DNER: variants seen among roughly 807,000 people sequenced by gnomAD.
The protein encoded by DNER is delta and Notch-like epidermal growth factor-related receptor.
Under a neutral mutation model 78.2 loss-of-function variants are expected in DNER, and 33 were observed. That is an observed-to-expected ratio of 0.42 (90% CI 0.32 to 0.56). DNER has a LOEUF of 0.56. DNER is among the 20% of genes least tolerant of loss of function. The pLI is 0.11. For missense variants in DNER, 918 were observed against 975.3 expected, an observed-to-expected ratio of 0.94 and a Z score of 0.78; for synonymous variants, 417 against 384.8, an observed-to-expected ratio of 1.08 and a Z score of -0.98.
chr2:229,447,916 C>G (rs1275789782), intron 7 of DNER, among the ~76,000 whole-genome samples: 1 of 152,156 alleles, frequency 6.6e-6, no homozygotes, highest in South Asian at 2.1e-4. Context: ...GCAGAGGGCT[C>G]TCCCCTCTTA....
chr2:229,415,160 CA>C lies in DNER; in HGVS notation c.1609+2947del, dbSNP rs574590961. 8.8e-3 allele frequency among the ~76,000 whole-genome samples: 643 copies of C among 72,906 alleles called. 1 individual carries two copies. The highest frequency in any genetic ancestry group is 0.019 in the Non-Finnish European group (431 of 23,258). The allele number at this position is 72,906 out of a possible 152,430, so 47.8% of individuals were successfully genotyped here. ...CTGGGCAATGAGAGTGAAACTCCAT[CA>C]CAAAAAAAAAAAGTCCAGGCCTTCC... On this transcript the variant is annotated intron_variant, in intron 9 of 12. Transcript: ENST00000341772.
chr2:229,461,120 C>T (rs1162318353), intron 7 of DNER, among the ~76,000 whole-genome samples: 1 of 152,074 alleles, frequency 6.6e-6, no homozygotes, highest in Admixed American at 6.6e-5. Context: ...GAACAGATTT[C>T]ATCTTCCCCA....
intron 9 of DNER, among the ~76,000 whole-genome samples, chr2:229,412,991 G>A (rs942179802): frequency 3.3e-5 from 5 of 152,278 alleles, no homozygotes; most frequent in African/African-American, 1.2e-4. Context: ...AAGCACAGCA[G>A]GGACACAAAA....
At chr2:229,620,068 A>G (rs1698228105) in intron 1 of DNER, among the ~76,000 whole-genome samples, 1 of 151,994 alleles carries the variant, frequency 6.6e-6, no homozygotes. Flanking sequence ...AAGCAGATTG[A>G]TGAAGCTAAC....
intron 3 of DNER, among the ~76,000 whole-genome samples, chr2:229,587,975 T>A (rs920788909): frequency 1.3e-5 from 2 of 151,440 alleles, no homozygotes; most frequent in African/African-American, 4.8e-5. Context: ...TAAATAAAAA[T>A]TATAAAAAAT....
intron 1 of DNER, among the ~76,000 whole-genome samples, chr2:229,682,116 G>T (rs1302858203): frequency 6.6e-6 from 1 of 152,148 alleles, no homozygotes; most frequent in Non-Finnish European, 1.5e-5. Context: ...GAGCCTGAAG[G>T]CCACCGCTGA....
chr2:229,605,236 A>T (rs1314979082), intron 1 of DNER, among the ~76,000 whole-genome samples: 2 of 152,204 alleles, frequency 1.3e-5, no homozygotes, highest in Admixed American at 1.3e-4. Context: ...GGATGGTCAC[A>T]ACAGAGACGG....
intron 8 of DNER, among the ~76,000 whole-genome samples, chr2:229,441,838 G>A (rs1436007371): frequency 2.0e-5 from 3 of 152,192 alleles, no homozygotes; most frequent in Admixed American, 6.5e-5. Flanking sequence ...TGGCCCAGCT[G>A]TAAGCATCAG....
rs1308788699 is a variant in DNER at position 229,704,172 on chromosome 2, AAT to A, written c.276+9974_276+9975del. ...TGTGATACCACTGCACGCTTATTAG[AAT>A]AGCTAAAACCTAAATCACCAATGAT... On this transcript the variant is annotated intron_variant, in intron 1 of 12. Coordinates refer to ENST00000341772, the MANE Select transcript of DNER (RefSeq NM_139072.4). 3.3e-5 allele frequency among the ~76,000 whole-genome samples: 5 copies of A among 152,366 alleles called. No individual in the cohort carries two copies. The East Asian group carries it at 9.6e-4, about 29-fold the overall frequency.
At chr2:229,439,355 T>TCCA (rs1694188912) in intron 8 of DNER, among the ~76,000 whole-genome samples, 2 of 152,210 alleles carry the variant, frequency 1.3e-5, no homozygotes, top group Non-Finnish European at 2.9e-5. Context: ...GCGCTAATGC[T>TCCA]CCACCATTTT....
At chr2:229,594,290 G>C (rs535269181) in intron 1 of DNER, among the ~76,000 whole-genome samples, 18 of 152,156 alleles carry the variant, frequency 1.2e-4, no homozygotes, top group African/African-American at 4.1e-4. Context: ...TCACTTCTGA[G>C]AAAAAGAAGA....
rs530223776 is a variant in DNER, at chr2:229,501,170, C to T, written c.1147+11613G>A. Among the ~76,000 whole-genome samples the T allele has an allele frequency of 1.8e-4, 28 of 151,616 alleles. No individual in the cohort carries two copies. The South Asian group carries it at 3.4e-3, about 18-fold the overall frequency. On this transcript the variant is annotated intron_variant, in intron 6 of 12. Coordinates refer to ENST00000341772, the MANE Select transcript of DNER (RefSeq NM_139072.4). ...AAGATTGGAGAGATTTAAAAGAGTA[C>T]CTAGGTTGGTCAAAGGATACAAAAT...
chr2:229,504,714 A>C lies in DNER; in HGVS notation c.1147+8069T>G, dbSNP rs189946113. Among the ~76,000 whole-genome samples the C allele has an allele frequency of 1.7e-4, 26 of 152,380 alleles. No homozygotes were observed. In the East Asian group the frequency reaches 4.4e-3, roughly 26 times the overall value. Reference sequence around the variant, plus strand: ...TTGTCTTAAACCATGCATTTGTGACAGGAAATTACTCAGCACACCACATAG... The same window carrying C: ...TTGTCTTAAACCATGCATTTGTGACCGGAAATTACTCAGCACACCACATAG... On this transcript the variant is annotated intron_variant, in intron 6 of 12. Coordinates refer to ENST00000341772, the MANE Select transcript of DNER (RefSeq NM_139072.4).
chr2:229,674,084 C>G (rs562371014), intron 1 of DNER, among the ~76,000 whole-genome samples: 2 of 152,234 alleles, frequency 1.3e-5, no homozygotes, highest in South Asian at 4.1e-4. Context: ...AATAGCTGGT[C>G]TCCTCCCCTT....
intron 1 of DNER, among the ~76,000 whole-genome samples, chr2:229,668,396 A>C (rs1202902932): frequency 1.4e-5 from 2 of 141,864 alleles, no homozygotes; most frequent in African/African-American, 5.2e-5. Flanking sequence ...TGATCCAGAA[A>C]GAATACACAT....
chr2:229,404,296 A>T (rs1409877206), intron 10 of DNER, among the ~76,000 whole-genome samples: 2 of 152,208 alleles, frequency 1.3e-5, no homozygotes, highest in African/African-American at 4.8e-5. Flanking sequence ...ACAGTTCTAC[A>T]TGGCTGGGGA....
intron 1 of DNER, among the ~76,000 whole-genome samples, chr2:229,607,830 C>A (rs1697967585): frequency 6.6e-6 from 1 of 151,960 alleles, no homozygotes; most frequent in Non-Finnish European, 1.5e-5. Context: ...CAAGACCAGC[C>A]TGGCCAACAT....
At chr2:229,594,068 G>C (rs1236658763) in intron 1 of DNER, among the ~76,000 whole-genome samples, 1 of 152,194 alleles carries the variant, frequency 6.6e-6, no homozygotes, top group Non-Finnish European at 1.5e-5. Context: ...TCCTCAGAGA[G>C]GCAGAGGCCT....
chr2:229,607,785 G>C (rs1227684612), intron 1 of DNER, among the ~76,000 whole-genome samples: 1 of 152,072 alleles, frequency 6.6e-6, no homozygotes, highest in East Asian at 1.9e-4. Flanking sequence ...CACTTTGGGG[G>C]GCCGAGGTGG....
Sources: allele counts gnomAD v4.1 joint callset (sites outside exome capture counted in the v4.1 genomes callset), GRCh38; gene constraint gnomAD v4.1.1; transcripts MANE v1.5; gene names NCBI Gene and HGNC (gene_info 2026-07-23, HGNC 2026-07-21).